ATXN1: variants seen among roughly 807,000 people sequenced by gnomAD.
The protein encoded by ATXN1 is ataxin-1.
ATXN1 carries 8 observed loss-of-function variants against 56.4 expected under a neutral mutation model. The ratio of observed to expected loss-of-function variants is 0.14; its 90% CI spans 0.08 to 0.26. ATXN1 has a LOEUF of 0.26. Among genes scored for constraint, ATXN1 ranks in the 10% least tolerant of loss-of-function variants. The pLI is 1.00. For synonymous variants in ATXN1, 514 were observed against 494.6 expected, an observed-to-expected ratio of 1.04 and a Z score of -0.52; for missense variants, 987 against 1,106.5, an observed-to-expected ratio of 0.89 and a Z score of 1.53.
chr6:16,481,278 G>T (rs367847557), intron 6 of ATXN1, among the ~76,000 whole-genome samples: 2 of 152,198 alleles, frequency 1.3e-5, no homozygotes, highest in South Asian at 2.1e-4. Flanking sequence ...ATCTACTTCA[G>T]ATTTTTTTTT....
At chr6:16,686,033 T>C (rs927224340) in intron 2 of ATXN1, among the ~76,000 whole-genome samples, 3 of 152,186 alleles carry the variant, frequency 2.0e-5, no homozygotes, top group Admixed American at 6.5e-5. Context: ...TAATGAAAAG[T>C]TCTGTTTTTT....
At chr6:16,745,147 A>G (rs1043497118) in intron 2 of ATXN1, among the ~76,000 whole-genome samples, 3 of 152,238 alleles carry the variant, frequency 2.0e-5, no homozygotes, top group African/African-American at 7.2e-5. Flanking sequence ...ACAATTATTA[A>G]GATTGAAGCT....
intron 3 of ATXN1, among the ~76,000 whole-genome samples, chr6:16,626,298 G>A (rs542017100): frequency 2.0e-5 from 3 of 152,062 alleles, no homozygotes; most frequent in Middle Eastern, 6.8e-3. Flanking sequence ...TTTATTTCTT[G>A]TTTTTGAGTC....
At chr6:16,604,353 G>A (rs911715478) in intron 3 of ATXN1, among the ~76,000 whole-genome samples, 6 of 149,286 alleles carry the variant, frequency 4.0e-5, no homozygotes, top group Non-Finnish European at 5.9e-5. Flanking sequence ...AAAAATTATC[G>A]TGGCACGTGG....
chr6:16,676,819 C>T (rs1463945202), intron 2 of ATXN1, among the ~76,000 whole-genome samples: 1 of 152,100 alleles, frequency 6.6e-6, no homozygotes, highest in South Asian at 2.1e-4. Context: ...CTGACCTCTA[C>T]TCTGGAATGT....
Position 16,299,953 on chromosome 6 carries a change from G to C in ATXN1, c.*6376C>G, listed in dbSNP as rs1322597483. On this transcript the variant is annotated 3_prime_UTR_variant, in exon 8 of 8. Transcript: ENST00000436367. ...CTGAAAGAGTAGGTGGTTCCTGTAA[G>C]AACCAGAGAAAACCTGTGCACCGAG... 3 of 152,694 alleles carry C rather than the reference G, an allele frequency of 2.0e-5. No individual in the cohort carries two copies. Among genetic ancestry groups the C allele is most frequent in the Non-Finnish European group, 4.4e-5 (3 of 68,052 alleles). 9.5% of individuals were successfully genotyped at this position (152,694 alleles called of 1,614,324 possible). A position where few individuals can be genotyped will look rare whatever the true frequency, so the allele number is the denominator to read the frequency against.
intron 1 of ATXN1, 43 bp from the exon 2 acceptor site, chr6:16,753,390 A>G: frequency 2.2e-6 from 1 of 456,074 alleles, no homozygotes; most frequent in South Asian, 1.6e-5. Context: ...TCCAAAATGA[A>G]AAACAGAATA....
intron 6 of ATXN1, among the ~76,000 whole-genome samples, chr6:16,395,799 CG>C (rs1561879753): frequency 6.6e-6 from 1 of 151,930 alleles, no homozygotes; most frequent in African/African-American, 2.4e-5. Context: ...GGGCAGATCA[CG>C]AGGTCAGGAG....
At chr6:16,758,021 C>T (rs376599096) in intron 1 of ATXN1, among the ~76,000 whole-genome samples, 1 of 152,010 alleles carries the variant, frequency 6.6e-6, no homozygotes. Flanking sequence ...TATCGTTTCT[C>T]GCTTAGCTAA....
chr6:16,661,030 G>A (rs1758309733), intron 2 of ATXN1, among the ~76,000 whole-genome samples: 1 of 151,664 alleles, frequency 6.6e-6, no homozygotes, highest in Non-Finnish European at 1.5e-5. Flanking sequence ...GTGGAGACGG[G>A]ATTTCACCAT....
chr6:16,493,632 G>A (rs9350008), intron 5 of ATXN1, among the ~76,000 whole-genome samples: 89,398 of 151,876 alleles, frequency 0.59, 27,253 homozygotes, highest in South Asian at 0.69. Context: ...TAAGCTTCAC[G>A]GGGCTTTCGC....
intron 2 of ATXN1, among the ~76,000 whole-genome samples, chr6:16,697,218 T>TATTATC (rs1759183213): frequency 1.3e-5 from 2 of 152,252 alleles, no homozygotes; most frequent in African/African-American, 4.8e-5. Context: ...AGCATATTAT[T>TATTATC]AGCATATTAT....
At chr6:16,493,816 A>G (rs1437626749) in intron 5 of ATXN1, among the ~76,000 whole-genome samples, 1 of 152,190 alleles carries the variant, frequency 6.6e-6, no homozygotes, top group Non-Finnish European at 1.5e-5. Context: ...TCATCACATA[A>G]GTCTCTAAGG....
chr6:16,448,697 C>T lies in ATXN1; in HGVS notation c.-161+37275G>A, dbSNP rs1390549114. On this transcript the variant is annotated intron_variant, in intron 6 of 7. Transcript: ENST00000436367. ...ACACTATATACAGTTTTTGTTTATA[C>T]CACCCTGTGCAACAATGCTCACATA... 2.0e-5 allele frequency among the ~76,000 whole-genome samples: 3 copies of T among 152,132 alleles called. No individual in the cohort carries two copies. The East Asian group carries it at 5.8e-4, about 29-fold the overall frequency.
chr6:16,311,938 G>A lies in ATXN1; in HGVS notation c.1918-5079C>T, dbSNP rs965753552. ...GACATTCAGAAGACCAGAAGCCTTA[G>A]TTCCAAACATGTCAGCCTCTTTTCT... is the stretch of plus-strand genomic sequence containing the variant. On this transcript the variant is annotated intron_variant, in intron 7 of 7. Transcript: ENST00000436367. 2.0e-5 allele frequency among the ~76,000 whole-genome samples: 3 copies of A among 152,206 alleles called. No individual in the cohort carries two copies. The East Asian group carries it at 5.8e-4, about 29-fold the overall frequency.
chr6:16,691,605 C>T (rs1377188457), intron 2 of ATXN1, among the ~76,000 whole-genome samples: 1 of 152,114 alleles, frequency 6.6e-6, no homozygotes, highest in Non-Finnish European at 1.5e-5. Flanking sequence ...CATATACAGG[C>T]TGAAGTACAA....
At chr6:16,544,430 C>T (rs16878435) in intron 4 of ATXN1, among the ~76,000 whole-genome samples, 3,916 of 152,236 alleles carry the variant, frequency 0.026, 105 homozygotes, top group African/African-American at 0.071. Flanking sequence ...AATGAGCCTG[C>T]AATCCTTCCT....
intron 6 of ATXN1, among the ~76,000 whole-genome samples, chr6:16,351,816 GA>G (rs1761573889): frequency 6.6e-6 from 1 of 152,186 alleles, no homozygotes; most frequent in Non-Finnish European, 1.5e-5. Flanking sequence ...CCTGATTTCA[GA>G]ACGTAGGCTA....
At chr6:16,557,709 C>T (rs1165657748) in intron 4 of ATXN1, among the ~76,000 whole-genome samples, 1 of 152,190 alleles carries the variant, frequency 6.6e-6, no homozygotes, top group Non-Finnish European at 1.5e-5. Context: ...TACTGGACTT[C>T]AGTGAATGAT....
Sources: gnomAD v4.1 joint callset for allele counts (sites outside exome capture counted in the v4.1 genomes callset) on GRCh38, gnomAD v4.1.1 for gene constraint, MANE v1.5 for transcripts, NCBI Gene and HGNC (gene_info 2026-07-23, HGNC 2026-07-21) for gene names.